RAB3GAP2: variants seen among roughly 807,000 people sequenced by gnomAD.
The protein encoded by RAB3GAP2 is rab3 GTPase-activating protein non-catalytic subunit.
Under a neutral mutation model 185.3 loss-of-function variants are expected in RAB3GAP2, and 87 were observed. That is an observed-to-expected ratio of 0.47 (90% CI 0.39 to 0.56). The LOEUF is 0.56. Ranked by LOEUF, RAB3GAP2 falls within the 20% of genes least tolerant of loss-of-function variation. The pLI is 0.00. For missense variants in RAB3GAP2, 1,492 were observed against 1,638.2 expected (o/e 0.91, Z 1.54); for synonymous variants, 554 against 576.1 (o/e 0.96, Z 0.55).
At chr1:220,172,473 T>C (rs1658196634) in intron 22 of RAB3GAP2, among the ~76,000 whole-genome samples, 164 bp downstream of exon 22, 1 of 152,182 alleles carries the variant, frequency 6.6e-6, no homozygotes, top group Non-Finnish European at 1.5e-5. Context: ...AAAGCATAAG[T>C]CAAATGCATT....
chr1:220,225,985 T>C (rs149542290), intron 2 of RAB3GAP2, among the ~76,000 whole-genome samples: 1 of 152,226 alleles, frequency 6.6e-6, no homozygotes, highest in Non-Finnish European at 1.5e-5. Context: ...GGGGCCTCCA[T>C]CTGACCAGCA....
At chr1:220,229,784 G>A (rs1659465376) in intron 2 of RAB3GAP2, among the ~76,000 whole-genome samples, 1 of 152,136 alleles carries the variant, frequency 6.6e-6, no homozygotes, top group South Asian at 2.1e-4. Context: ...CTGTCACACT[G>A]GAACCTCTTC....
intron 26 of RAB3GAP2, among the ~76,000 whole-genome samples, chr1:220,167,000 T>C (rs1046994470): frequency 5.3e-5 from 8 of 152,210 alleles, no homozygotes; most frequent in African/African-American, 1.9e-4. Context: ...GAGAACCATA[T>C]GCTTAAATCC....
chr1:220,230,130 C>T (rs1659472129), intron 2 of RAB3GAP2, among the ~76,000 whole-genome samples: 1 of 152,176 alleles, frequency 6.6e-6, no homozygotes, highest in South Asian at 2.1e-4. Context: ...CTGATGAATG[C>T]CTGACCAGGA....
intron 6 of RAB3GAP2, 98 bp from the exon 7 acceptor site, chr1:220,210,587 CAG>C (rs1019206095): frequency 2.8e-5 from 29 of 1,048,282 alleles, no homozygotes; most frequent in Non-Finnish European, 4.2e-5. Flanking sequence ...AACAGTTTTC[CAG>C]AGATACCAGG....
intron 18 of RAB3GAP2, among the ~76,000 whole-genome samples, chr1:220,185,091 T>C (rs1658484845): frequency 6.6e-6 from 1 of 152,130 alleles, no homozygotes; most frequent in Non-Finnish European, 1.5e-5. Flanking sequence ...ACAATTTAAC[T>C]GATGTTAGGA....
At chr1:220,224,592 A>G (rs1251285120) in intron 2 of RAB3GAP2, among the ~76,000 whole-genome samples, 1 of 152,182 alleles carries the variant, frequency 6.6e-6, no homozygotes, top group African/African-American at 2.4e-5. Flanking sequence ...GGTAAATTAA[A>G]CACATGAATT....
At chr1:220,152,359 G>A (rs1169669204) in intron 33 of RAB3GAP2, among the ~76,000 whole-genome samples, 1 of 152,048 alleles carries the variant, frequency 6.6e-6, no homozygotes, top group African/African-American at 2.4e-5. Context: ...TTACAGGCGT[G>A]AGCCACCACG....
chr1:220,173,808 CAGGAGATTGA>C (rs1658224949), intron 21 of RAB3GAP2, among the ~76,000 whole-genome samples: 1 of 152,054 alleles, frequency 6.6e-6, no homozygotes, highest in African/African-American at 2.4e-5. Context: ...ATCACGAGGT[CAGGAGATTGA>C]GACCATCCTG....
intron 21 of RAB3GAP2, among the ~76,000 whole-genome samples, chr1:220,173,892 T>C (rs1338537894): frequency 2.0e-5 from 3 of 151,582 alleles, no homozygotes; most frequent in African/African-American, 7.3e-5. Context: ...GGGTGGCAGG[T>C]GCCTATAGTC....
At chr1:220,249,480 A>G (rs1009674316) in intron 1 of RAB3GAP2, among the ~76,000 whole-genome samples, 1 of 152,228 alleles carries the variant, frequency 6.6e-6, no homozygotes, top group Non-Finnish European at 1.5e-5. Flanking sequence ...TTAAAAGGGA[A>G]GCAGAGCATA....
intron 1 of RAB3GAP2, among the ~76,000 whole-genome samples, chr1:220,237,147 A>G (rs1352665695): frequency 2.0e-5 from 3 of 152,230 alleles, no homozygotes; most frequent in South Asian, 4.1e-4. Context: ...TCATGGAATT[A>G]AGGACACCAG....
intron 9 of RAB3GAP2, among the ~76,000 whole-genome samples, chr1:220,200,036 T>A (rs1031801931): frequency 2.0e-5 from 3 of 152,178 alleles, no homozygotes; most frequent in Admixed American, 6.5e-5. Context: ...GATCTCCTTA[T>A]CCCTACGTGA....
At chr1:220,264,383 T>A (rs1466923638) in intron 1 of RAB3GAP2, among the ~76,000 whole-genome samples, 1 of 151,968 alleles carries the variant, frequency 6.6e-6, no homozygotes, top group East Asian at 2.0e-4. Context: ...TACAACACTT[T>A]GATTAAAGGG....
chr1:220,157,474 C>T lies in RAB3GAP2; in HGVS notation c.3351G>A (p.Arg1117=). 1.2e-6 allele frequency: 2 copies of T among 1,613,362 alleles called. No homozygotes were observed. The highest frequency in any genetic ancestry group is 2.2e-5 in the South Asian group (2 of 91,052). ...LQILMEADVS[R]DEIQVPVLDT... is the part of the protein sequence containing the mutation. ...CCAGCACAGGCACCTGTATTTCATC[C>T]CTGCTAACATCTGCCTAAGGGTTTT... The change falls in exon 31 of 35, where the codon AGG becomes AGA. Residue 1117 remains arginine, a synonymous_variant. Coordinates refer to ENST00000358951, the MANE Select transcript of RAB3GAP2 (RefSeq NM_012414.4).
At chr1:220,215,543 T>G (rs548139728) in intron 2 of RAB3GAP2, among the ~76,000 whole-genome samples, 1 of 152,294 alleles carries the variant, frequency 6.6e-6, no homozygotes, top group East Asian at 1.9e-4. Context: ...TTTCTATGAA[T>G]AGTTTGTTCC....
At chr1:220,244,844 A>T (rs1659766455) in intron 1 of RAB3GAP2, among the ~76,000 whole-genome samples, 1 of 152,180 alleles carries the variant, frequency 6.6e-6, no homozygotes, top group African/African-American at 2.4e-5. Context: ...GAAAGACTTA[A>T]ATCTAAAACC....
chr1:220,168,838 G>A (rs1658121276), intron 24 of RAB3GAP2, among the ~76,000 whole-genome samples: 1 of 152,168 alleles, frequency 6.6e-6, no homozygotes, highest in African/African-American at 2.4e-5. Context: ...AAACGTTCCA[G>A]ATATTTAACG....
intron 8 of RAB3GAP2, among the ~76,000 whole-genome samples, chr1:220,203,177 A>G (rs908993627): frequency 1.3e-5 from 2 of 152,230 alleles, no homozygotes; most frequent in East Asian, 3.8e-4. Context: ...AAGCAACAGC[A>G]CTGTCAAAAA....
Sources: gnomAD v4.1 joint callset for allele counts (sites outside exome capture counted in the v4.1 genomes callset) on GRCh38, gnomAD v4.1.1 for gene constraint, MANE v1.5 for transcripts, NCBI Gene and HGNC (gene_info 2026-07-23, HGNC 2026-07-21) for gene names.